Variants in CNTLN observed in about 807,000 individuals in gnomAD.
CNTLN encodes centlein, also known as centlein, centrosomal protein.
CNTLN carries 212 observed loss-of-function variants against 180.0 expected under a neutral mutation model. The ratio of observed to expected loss-of-function variants is 1.18; its 90% confidence interval spans 1.05 to 1.32. The LOEUF is 1.32. Among genes scored for constraint, CNTLN ranks in the 40% most tolerant of loss-of-function variants. The pLI is 0.00. For missense variants in CNTLN, 2,095 were observed against 1,610.9 expected (o/e 1.30, Z -5.14); for synonymous variants, 722 against 563.1 (o/e 1.28, Z -3.99).
intron 2 of CNTLN, among the ~76,000 whole-genome samples, chr9:17,186,766 G>T (rs1300991223): frequency 6.6e-6 from 1 of 152,018 alleles, no homozygotes. Flanking sequence ...AATATCATTT[G>T]ATCCTCCATA....
At chr9:17,164,157 C>A (rs1429169680) in intron 2 of CNTLN, among the ~76,000 whole-genome samples, 20 of 151,530 alleles carry the variant, frequency 1.3e-4, no homozygotes, top group Admixed American at 1.3e-3. Flanking sequence ...ACTAAAAATA[C>A]AAAAATTAAA....
chr9:17,281,837 T>C (rs1440202681), intron 6 of CNTLN, among the ~76,000 whole-genome samples: 1 of 152,214 alleles, frequency 6.6e-6, no homozygotes, highest in Non-Finnish European at 1.5e-5. Flanking sequence ...ATGGTGTTTC[T>C]GGTTCTAGGT....
At chr9:17,476,829 C>T (rs1832375205) in intron 23 of CNTLN, among the ~76,000 whole-genome samples, 1 of 152,256 alleles carries the variant, frequency 6.6e-6, no homozygotes, top group African/African-American at 2.4e-5. Context: ...AGCAAGTTAT[C>T]CAAAAGATCT....
At chr9:17,311,508 T>C (rs1179690706) in intron 8 of CNTLN, among the ~76,000 whole-genome samples, 1 of 151,358 alleles carries the variant, frequency 6.6e-6, no homozygotes, top group Non-Finnish European at 1.5e-5. Flanking sequence ...AGGCTTTTTC[T>C]GTTATTTTAA....
intron 2 of CNTLN, among the ~76,000 whole-genome samples, chr9:17,213,192 T>C (rs1473396984): frequency 1.3e-5 from 2 of 152,240 alleles, no homozygotes; most frequent in African/African-American, 4.8e-5. Context: ...TGTGGACATT[T>C]AGTGCTATAA....
Position 17,182,274 on chromosome 9 carries a change from T to C in CNTLN, c.449+38898T>C, listed in dbSNP as rs569066982. ...GGTCCGTAGGGTAGAGAGCAGACTT[T>C]CGTTGAGGCTTTTTTCTTTCTGTAC... On this transcript the variant is annotated intron_variant, in intron 2 of 25. Transcript: ENST00000380647. Among the ~76,000 whole-genome samples, 35 of 152,256 alleles carry C rather than the reference T, an allele frequency of 2.3e-4. 1 individual carries two copies. In the South Asian group the frequency reaches 6.6e-3, roughly 29 times the overall value.
chr9:17,506,268 A>T (rs1423079242), downstream of CNTLN, among the ~76,000 whole-genome samples: 1 of 152,110 alleles, frequency 6.6e-6, no homozygotes, highest in African/African-American at 2.4e-5. Flanking sequence ...AAAAATTGAT[A>T]AGTTTTACTT....
Position 17,236,395 on chromosome 9 carries a change from G to A in CNTLN, c.670-14G>A. On this transcript the variant is annotated splice_polypyrimidine_tract_variant and intron_variant, in intron 4 of 25. Transcript: ENST00000380647. ...TTTGTTTTATTTATTTGCCCTTGTG[G>A]TACTGTTCTACAGGACACTAAGGAG... The A allele has an allele frequency of 3.2e-6, 5 of 1,556,430 alleles. No homozygotes were observed. Among genetic ancestry groups the A allele is most frequent in the Non-Finnish European group, 4.3e-6 (5 of 1,157,380 alleles).
intron 5 of CNTLN, among the ~76,000 whole-genome samples, chr9:17,250,030 T>C (rs1393080562): frequency 6.6e-6 from 1 of 151,686 alleles, no homozygotes; most frequent in African/African-American, 2.4e-5. Flanking sequence ...AATTCTTTAA[T>C]TGTTTGCTCT....
At chr9:17,184,523 C>CT (rs1821315243) in intron 2 of CNTLN, among the ~76,000 whole-genome samples, 1 of 151,490 alleles carries the variant, frequency 6.6e-6, no homozygotes, top group African/African-American at 2.4e-5. Flanking sequence ...ACCAGACACT[C>CT]TTTCACTTGA....
At chr9:17,298,517 A>C in intron 7 of CNTLN, 165 bp downstream of exon 7, 1 of 1,307,216 alleles carries the variant, frequency 7.6e-7, no homozygotes, top group Non-Finnish European at 9.8e-7. Flanking sequence ...TAACATTTAA[A>C]ATTTTTTGAA....
intron 2 of CNTLN, 152 bp downstream of exon 2, chr9:17,143,528 A>G: frequency 8.1e-6 from 5 of 614,990 alleles, no homozygotes; most frequent in South Asian, 2.0e-5. Context: ...TGGATTTATT[A>G]TGAAGGGTGC....
At chr9:17,206,393 G>A (rs1404653238) in intron 2 of CNTLN, among the ~76,000 whole-genome samples, 1 of 152,186 alleles carries the variant, frequency 6.6e-6, no homozygotes, top group Non-Finnish European at 1.5e-5. Context: ...GTACTGTTGT[G>A]TTGCAAAATC....
At chr9:17,469,782 C>T (rs916733429) in intron 23 of CNTLN, among the ~76,000 whole-genome samples, 1 of 151,862 alleles carries the variant, frequency 6.6e-6, no homozygotes, top group Non-Finnish European at 1.5e-5. Context: ...GGGCCTTTCT[C>T]TGTCATGAAT....
At position 17,330,742 on chromosome 9, in the gene CNTLN, A is replaced by C. The variant is rs759853759; in HGVS notation, c.1452A>C (p.Glu484Asp). 1.2e-5 allele frequency: 20 copies of C among 1,612,166 alleles called. No homozygotes were observed. The highest frequency in any genetic ancestry group is 5.0e-5 in the Admixed American group (3 of 59,846). Reference protein sequence around the residue: ...KLKIANEKLSENISANKGFSR... With the variant: ...KLKIANEKLSDNISANKGFSR... ...AGATAGCAAATGAAAAACTGTCAGAAAACATATCTGCCAACAAGGGTTTCT... is the reference window on the plus strand; with the variant it reads ...AGATAGCAAATGAAAAACTGTCAGACAACATATCTGCCAACAAGGGTTTCT... Residue 484 changes from glutamate to aspartate, a missense_variant, in exon 9 of 26, where the codon GAA becomes GAC. By Grantham distance (45) the Glu-to-Asp change is conservative. Coordinates refer to ENST00000380647, the MANE Select transcript of CNTLN (RefSeq NM_017738.4).
At chr9:17,496,601 C>T (rs543086961) in intron 25 of CNTLN, among the ~76,000 whole-genome samples, 2 of 152,324 alleles carry the variant, frequency 1.3e-5, no homozygotes, top group South Asian at 4.1e-4. Flanking sequence ...TAACAAGGGT[C>T]TACCTGCTAA....
At chr9:17,379,911 C>G (rs1364221251) in intron 13 of CNTLN, among the ~76,000 whole-genome samples, 2 of 152,140 alleles carry the variant, frequency 1.3e-5, no homozygotes, top group Non-Finnish European at 2.9e-5. Context: ...CTAAATTTCT[C>G]TTTACTGAAA....
At chr9:17,472,676 G>A (rs75301835) in intron 23 of CNTLN, among the ~76,000 whole-genome samples, 4,105 of 152,166 alleles carry the variant, frequency 0.027, 88 homozygotes, top group South Asian at 0.1. Flanking sequence ...GTGGTTAAAA[G>A]TTCTGCATTG....
intron 13 of CNTLN, among the ~76,000 whole-genome samples, chr9:17,377,702 T>C (rs897048185): frequency 1.3e-5 from 2 of 152,212 alleles, no homozygotes; most frequent in Non-Finnish European, 2.9e-5. Context: ...TTACACCCTT[T>C]TTTCCTCAGA....
Sources: allele counts gnomAD v4.1 joint callset (sites outside exome capture counted in the v4.1 genomes callset), GRCh38; gene constraint gnomAD v4.1.1; transcripts MANE v1.5; gene names NCBI Gene and HGNC (gene_info 2026-07-23, HGNC 2026-07-21).